The following PTPRT variants were observed in gnomAD, a reference collection of about 807,000 sequenced individuals.
The protein encoded by PTPRT is protein tyrosine phosphatase receptor type T, also known as receptor-type tyrosine-protein phosphatase T.
In PTPRT, 56 loss-of-function variants were observed where a neutral mutation model predicts 176.8. The ratio of observed to expected loss-of-function variants is 0.32; its 90% CI spans 0.26 to 0.40. The LOEUF is 0.40. Ranked by LOEUF, PTPRT falls within the 10% of genes least tolerant of loss-of-function variation. The probability of loss-of-function intolerance (pLI) is 1.00; values close to 1 mark genes in which losing one functional copy is unlikely to be tolerated. For missense variants in PTPRT, 1,540 were observed against 1,908.2 expected, an observed-to-expected ratio of 0.81 and a Z score of 3.60; for synonymous variants, 783 against 739.0, an observed-to-expected ratio of 1.06 and a Z score of -0.96.
At chr20:42,976,918 A>C (rs1020965734) in intron 1 of PTPRT, among the ~76,000 whole-genome samples, 2 of 152,248 alleles carry the variant, frequency 1.3e-5, no homozygotes, top group Admixed American at 1.3e-4. Flanking sequence ...TCAAACTGAC[A>C]AAACAAAGAG....
intron 19 of PTPRT, among the ~76,000 whole-genome samples, chr20:42,122,178 A>T (rs1299478127): frequency 6.6e-6 from 1 of 152,252 alleles, no homozygotes; most frequent in African/African-American, 2.4e-5. Context: ...AAAATTAAAA[A>T]ATTAATGGGG....
At chr20:42,409,906 A>G (rs1035227591) in intron 9 of PTPRT, among the ~76,000 whole-genome samples, 1 of 152,226 alleles carries the variant, frequency 6.6e-6, no homozygotes, top group African/African-American at 2.4e-5. Flanking sequence ...TCTGAGTACA[A>G]CTCAGTAAAT....
chr20:42,999,149 T>A (rs1984387339), intron 1 of PTPRT, among the ~76,000 whole-genome samples: 1 of 152,216 alleles, frequency 6.6e-6, no homozygotes, highest in Admixed American at 6.5e-5. Context: ...TTAAAATTAA[T>A]GGTGAAGAAT....
intron 6 of PTPRT, among the ~76,000 whole-genome samples, chr20:42,714,761 T>C (rs2076198152): frequency 6.6e-6 from 1 of 152,228 alleles, no homozygotes; most frequent in African/African-American, 2.4e-5. Context: ...CCAAACAGCA[T>C]CGCAGTCTTG....
At chr20:43,041,691 C>T (rs1233209848) in intron 1 of PTPRT, among the ~76,000 whole-genome samples, 2 of 152,214 alleles carry the variant, frequency 1.3e-5, no homozygotes, top group East Asian at 3.8e-4. Flanking sequence ...TACTGTCATG[C>T]CAAATATTCT....
At chr20:42,176,172 T>C (rs1479428323) in intron 16 of PTPRT, among the ~76,000 whole-genome samples, 1 of 152,178 alleles carries the variant, frequency 6.6e-6, no homozygotes, top group African/African-American at 2.4e-5. Flanking sequence ...GAAACACTCA[T>C]TTGTTAGGTA....
intron 6 of PTPRT, among the ~76,000 whole-genome samples, chr20:42,745,552 T>C (rs1395540040): frequency 1.3e-5 from 2 of 152,296 alleles, no homozygotes; most frequent in East Asian, 3.9e-4. Context: ...TCACCCTCAA[T>C]TAAGAATCAC....
intron 17 of PTPRT, among the ~76,000 whole-genome samples, chr20:42,145,037 G>A (rs912123385): frequency 6.6e-6 from 1 of 152,150 alleles, no homozygotes; most frequent in African/African-American, 2.4e-5. Flanking sequence ...AGTTGGAGTT[G>A]GAATGCTTTT....
chr20:43,039,208 T>G (rs987690846), intron 1 of PTPRT, among the ~76,000 whole-genome samples: 1 of 152,200 alleles, frequency 6.6e-6, no homozygotes, highest in South Asian at 2.1e-4. Flanking sequence ...GTAAACAAGA[T>G]AGCATCACTG....
At chr20:42,463,458 T>G (rs1257468348) in intron 8 of PTPRT, among the ~76,000 whole-genome samples, 1 of 152,192 alleles carries the variant, frequency 6.6e-6, no homozygotes, top group Non-Finnish European at 1.5e-5. Context: ...TTCTTGTCAG[T>G]GGGTTCATGT....
chr20:42,113,937 G>C (rs1448845902), intron 22 of PTPRT, among the ~76,000 whole-genome samples: 2 of 152,186 alleles, frequency 1.3e-5, no homozygotes, highest in African/African-American at 4.8e-5. Flanking sequence ...TGGAGGGGGA[G>C]CTTCCGGGGC....
intron 12 of PTPRT, among the ~76,000 whole-genome samples, chr20:42,303,735 G>C (rs1042374852): frequency 2.0e-5 from 3 of 152,128 alleles, no homozygotes; most frequent in Middle Eastern, 3.2e-3. Context: ...AGGTTGTCCA[G>C]GCAGAAGATG....
At chr20:42,655,159 T>C (rs2075103011) in intron 7 of PTPRT, among the ~76,000 whole-genome samples, 1 of 146,670 alleles carries the variant, frequency 6.8e-6, no homozygotes. Context: ...CATCATCTAC[T>C]GGAAAAGAAA....
rs533589090 is a variant in PTPRT at position 42,197,223 on chromosome 20, C to CA, written c.2491+2016dup. On this transcript the variant is annotated intron_variant, in intron 16 of 30. Transcript: ENST00000373187. ...TGAAACCCCGTCTCGACTAAAAATA[C>CA]AAAAAATTAGCCACGCGTGGTGGTG... Among the ~76,000 whole-genome samples the CA allele has an allele frequency of 1.8e-3, 279 of 151,578 alleles. 1 individual carries two copies. Among genetic ancestry groups the CA allele is most frequent in the Non-Finnish European group, 3.3e-3 (222 of 67,842 alleles).
chr20:43,039,491 G>GA (rs1026400882), intron 1 of PTPRT, among the ~76,000 whole-genome samples: 5 of 151,464 alleles, frequency 3.3e-5, no homozygotes, highest in South Asian at 2.1e-4. Context: ...AAAAGCACCA[G>GA]AAAAAAAAGA....
In PTPRT at chr20:42,554,357, T is replaced by C. The variant is rs558177966; in HGVS notation, c.1154-81795A>G. On this transcript the variant is annotated intron_variant, in intron 7 of 30. Transcript: ENST00000373187. The stretch of plus-strand genomic sequence containing the variant: ...TAATGGATTTTTTAAAATAGAGCTA[T>C]CACAGGATAACAAATTTTGCCCACC... 1.5e-4 allele frequency among the ~76,000 whole-genome samples: 23 copies of C among 152,246 alleles called. 1 individual carries two copies. The highest frequency in any genetic ancestry group is 3.4e-3 in the Middle Eastern group (1 of 294).
chr20:42,371,076 A>C (rs991829344), intron 9 of PTPRT, among the ~76,000 whole-genome samples: 4 of 152,208 alleles, frequency 2.6e-5, no homozygotes, highest in Admixed American at 6.5e-5. Flanking sequence ...CTTTTAAAGG[A>C]CAAGAACCAT....
At chr20:42,700,878 A>C (rs938361491) in intron 6 of PTPRT, among the ~76,000 whole-genome samples, 2 of 152,214 alleles carry the variant, frequency 1.3e-5, no homozygotes, top group Non-Finnish European at 2.9e-5. Context: ...TCAAGGGCAT[A>C]TTATCAGACA....
chr20:42,705,277 C>CA (rs1208006717), intron 6 of PTPRT, among the ~76,000 whole-genome samples: 3 of 152,146 alleles, frequency 2.0e-5, no homozygotes, highest in Admixed American at 2.0e-4. Context: ...GAGTGAGCAA[C>CA]AAGGCTGTTT....
Sources: allele counts gnomAD v4.1 joint callset (sites outside exome capture counted in the v4.1 genomes callset), GRCh38; gene constraint gnomAD v4.1.1; transcripts MANE v1.5; gene names NCBI Gene and HGNC (gene_info 2026-07-23, HGNC 2026-07-21).